The following KCNIP4 variants were observed in gnomAD, a reference collection of about 807,000 sequenced individuals.
The protein encoded by KCNIP4 is Kv channel-interacting protein 4.
A neutral mutation model predicts 34.0 loss-of-function variants in KCNIP4; 12 were observed. The observed-to-expected ratio is 0.35, with a 90% CI of 0.23 to 0.57. KCNIP4 has a LOEUF of 0.57. Among genes scored for constraint, KCNIP4 ranks in the 20% least tolerant of loss-of-function variants. The pLI, the probability that KCNIP4 is intolerant of heterozygous loss-of-function variation, is 0.83. For missense variants in KCNIP4, 238 were observed against 311.7 expected (o/e 0.76, Z 1.78); for synonymous variants, 124 against 102.2 (o/e 1.21, Z -1.29).
intron 1 of KCNIP4, among the ~76,000 whole-genome samples, chr4:21,768,402 A>G (rs1285223562): frequency 2.0e-5 from 3 of 152,100 alleles, no homozygotes; most frequent in African/African-American, 7.2e-5. Flanking sequence ...GTAAATTCCG[A>G]TTTAAGTACC....
At chr4:21,648,108 C>T (rs1340484075) in intron 1 of KCNIP4, among the ~76,000 whole-genome samples, 3 of 151,716 alleles carry the variant, frequency 2.0e-5, no homozygotes, top group South Asian at 2.1e-4. Context: ...CTCCTGACCT[C>T]GTGATCCGCC....
chr4:20,867,129 A>G (rs1279393770), intron 2 of KCNIP4, among the ~76,000 whole-genome samples: 1 of 152,136 alleles, frequency 6.6e-6, no homozygotes, highest in Non-Finnish European at 1.5e-5. Flanking sequence ...ACTACTAAGA[A>G]CATTCTTCAC....
intron 1 of KCNIP4, among the ~76,000 whole-genome samples, chr4:21,687,316 T>TA (rs71191535): frequency 9.7e-4 from 117 of 121,152 alleles, no homozygotes; most frequent in East Asian, 2.7e-3. Context: ...ACTTAAAGTA[T>TA]AAAAAAAAAA....
chr4:21,426,872 A>T (rs1296306000), intron 1 of KCNIP4, among the ~76,000 whole-genome samples: 1 of 151,762 alleles, frequency 6.6e-6, no homozygotes, highest in Non-Finnish European at 1.5e-5. Flanking sequence ...TTTTAATGAA[A>T]TATTTTAATT....
chr4:20,978,585 C>A (rs1360055654), intron 1 of KCNIP4, among the ~76,000 whole-genome samples: 1 of 152,138 alleles, frequency 6.6e-6, no homozygotes, highest in Non-Finnish European at 1.5e-5. Context: ...CAGCGTTTTA[C>A]ATACAGTACT....
At chr4:21,080,596 C>T (rs942222752) in intron 1 of KCNIP4, among the ~76,000 whole-genome samples, 6 of 151,770 alleles carry the variant, frequency 4.0e-5, no homozygotes, top group Non-Finnish European at 5.9e-5. Flanking sequence ...GAGTACTTTA[C>T]CTTAACAATG....
Position 20,882,590 on chromosome 4 carries a change from A to C in KCNIP4, c.163+18T>G, listed in dbSNP as rs551503330. 9.1e-4 allele frequency: 1,441 copies of C among 1,589,192 alleles called. 3 individuals carry two copies. The highest frequency in any genetic ancestry group is 2.6e-3 in the African/African-American group (195 of 74,266). ...CAAGAGTTTCGGAGGAAAAAAAAAA[A>C]CAAAAAAACAAACTTGCTTTGAATA... On this transcript the variant is annotated intron_variant, in intron 2 of 8. Transcript: ENST00000382152.
intron 1 of KCNIP4, among the ~76,000 whole-genome samples, chr4:21,252,630 A>G (rs1760795549): frequency 6.6e-6 from 1 of 152,208 alleles, no homozygotes; most frequent in Admixed American, 6.5e-5. Context: ...TAATAAAAAA[A>G]GAAGGTGAAA....
intron 1 of KCNIP4, among the ~76,000 whole-genome samples, chr4:21,281,172 C>T (rs1040189354): frequency 4.6e-5 from 7 of 151,104 alleles, no homozygotes; most frequent in African/African-American, 1.7e-4. Flanking sequence ...CCACAACATC[C>T]ACCTCCTGGG....
rs73254393 is a variant in KCNIP4, at chr4:21,646,480, C to A, written c.61+302091G>T. ...TCTGTCCATACTAATATAAAGATAC[C>A]GAATTGCTATATTGAATCGCTATAG... On this transcript the variant is annotated intron_variant, in intron 1 of 8. Coordinates refer to ENST00000382152, the MANE Select transcript of KCNIP4 (RefSeq NM_025221.6). Among the ~76,000 whole-genome samples, 986 of 152,088 alleles carry A rather than the reference C, an allele frequency of 6.5e-3. 14 individuals are homozygous for A. The highest frequency in any genetic ancestry group is 7.7e-3 in the Non-Finnish European group (524 of 67,980).
At chr4:21,713,448 C>G (rs916749439) in intron 1 of KCNIP4, among the ~76,000 whole-genome samples, 1 of 152,092 alleles carries the variant, frequency 6.6e-6, no homozygotes, top group Non-Finnish European at 1.5e-5. Flanking sequence ...AGAAATATAT[C>G]TGCACTCTTC....
chr4:21,041,104 A>T (rs1221209706), intron 1 of KCNIP4, among the ~76,000 whole-genome samples: 4 of 152,030 alleles, frequency 2.6e-5, no homozygotes, highest in African/African-American at 9.7e-5. Flanking sequence ...ATTTCTGGGA[A>T]TGTATATGAA....
chr4:21,148,595 A>G (rs922943199), intron 1 of KCNIP4, among the ~76,000 whole-genome samples: 1 of 152,106 alleles, frequency 6.6e-6, no homozygotes, highest in Non-Finnish European at 1.5e-5. Context: ...TCCACTGTCA[A>G]GATGCATTAT....
At chr4:21,614,354 G>C (rs962336642) in intron 1 of KCNIP4, among the ~76,000 whole-genome samples, 1 of 151,802 alleles carries the variant, frequency 6.6e-6, no homozygotes, top group Non-Finnish European at 1.5e-5. Context: ...GGTCAAACAA[G>C]CTCAACAGCT....
At chr4:21,859,052 G>A (rs757194450) in intron 1 of KCNIP4, among the ~76,000 whole-genome samples, 5 of 152,172 alleles carry the variant, frequency 3.3e-5, no homozygotes, top group Non-Finnish European at 5.9e-5. Context: ...GAAGATCCTC[G>A]AAATCACTGC....
At chr4:20,799,418 A>T (rs1309165691) in intron 3 of KCNIP4, among the ~76,000 whole-genome samples, 1 of 152,154 alleles carries the variant, frequency 6.6e-6, no homozygotes, top group East Asian at 1.9e-4. Context: ...CCACATAGCC[A>T]TGCTTTCTGG....
rs144017083 is a variant in KCNIP4 at position 21,123,901 on chromosome 4, C to T, written c.62-241192G>A. ...TGGCCAACACCAGAACATAACCACG[C>T]TGGCACCCTGTGCTCAGACTTCCAG... On this transcript the variant is annotated intron_variant, in intron 1 of 8. Transcript: ENST00000382152. 2.0e-4 allele frequency among the ~76,000 whole-genome samples: 31 copies of T among 152,246 alleles called. No individual in the cohort carries two copies. The East Asian group carries it at 5.2e-3, about 26-fold the overall frequency.
At chr4:21,699,527 AAAG>A (rs1712654613) in intron 1 of KCNIP4, among the ~76,000 whole-genome samples, 1 of 152,178 alleles carries the variant, frequency 6.6e-6, no homozygotes, top group Admixed American at 6.5e-5. Flanking sequence ...GTCTCTAAGA[AAAG>A]AAGTTAAGTA....
intron 1 of KCNIP4, among the ~76,000 whole-genome samples, chr4:21,517,078 T>C (rs1337357022): frequency 6.6e-6 from 1 of 152,144 alleles, no homozygotes. Flanking sequence ...AAGATCCTCA[T>C]AGCTTTTTGT....
Sources: gnomAD v4.1 joint callset for allele counts (sites outside exome capture counted in the v4.1 genomes callset) on GRCh38, gnomAD v4.1.1 for gene constraint, MANE v1.5 for transcripts, NCBI Gene and HGNC (gene_info 2026-07-23, HGNC 2026-07-21) for gene names.